COL5A1: variants seen among roughly 807,000 people sequenced by gnomAD.
COL5A1 encodes the protein collagen alpha-1(V) chain.
A neutral mutation model predicts 263.7 loss-of-function variants in COL5A1; 16 were observed. That is an observed-to-expected ratio of 0.06 (90% CI 0.04 to 0.09). The LOEUF (loss-of-function observed/expected upper bound fraction) is 0.09, where lower values mean the gene tolerates loss of function less well. Ranked by LOEUF, COL5A1 falls within the 10% of genes least tolerant of loss-of-function variation. The pLI is 1.00. For missense variants in COL5A1, 2,036 were observed against 2,540.5 expected, an observed-to-expected ratio of 0.80 and a Z score of 4.27; for synonymous variants, 1,012 against 1,004.5, an observed-to-expected ratio of 1.01 and a Z score of -0.14.
At chr9:134,649,492 T>A (rs1434110470) in intron 1 of COL5A1, 1 of 471,342 alleles carries the variant, frequency 2.1e-6, no homozygotes, top group Admixed American at 2.4e-5. Context: ...TTCTGTTTCC[T>A]AGACCCGTGT....
At position 134,821,326 on chromosome 9, in the gene COL5A1, G is replaced by A. The variant is rs1564483436; in HGVS notation, c.4555-771G>A. 6.6e-6 allele frequency among the ~76,000 whole-genome samples: 1 copy of A among 152,176 alleles called. No homozygotes were observed. The highest frequency in any genetic ancestry group is 1.5e-5 in the Non-Finnish European group (1 of 68,038). On this transcript the variant is annotated intron_variant, in intron 58 of 65. Transcript: ENST00000371817. This position sits in a 1 kb window ranked among gnomAD's most constrained non-coding sequence, Gnocchi z 4.2. ...GTGTCGGGTTGGTGTGCAGGCTTGG[G>A]TAGTTGTGGGGTCCTTACAATGAGC...
At chr9:134,712,738 G>A (rs936483258) in intron 4 of COL5A1, among the ~76,000 whole-genome samples, 1 of 147,060 alleles carries the variant, frequency 6.8e-6, no homozygotes, top group Non-Finnish European at 1.5e-5. Flanking sequence ...CATCTTTCCT[G>A]CCCCTTTCTG....
At chr9:134,763,758 G>T (rs1359669003) in intron 20 of COL5A1, 21 bp downstream of exon 20, 1 of 1,611,344 alleles carries the variant, frequency 6.2e-7, no homozygotes, top group Admixed American at 1.7e-5. Context: ...GAGCTGAGTG[G>T]GACGGTGGGG....
chr9:134,705,126 A>G (rs1472389297), intron 4 of COL5A1, among the ~76,000 whole-genome samples: 1 of 152,216 alleles, frequency 6.6e-6, no homozygotes, highest in Non-Finnish European at 1.5e-5. Flanking sequence ...ACCAAACTCT[A>G]AGAGAGTTCG....
At chr9:134,764,288 G>A (rs1385333357) in intron 20 of COL5A1, among the ~76,000 whole-genome samples, 1 of 132,476 alleles carries the variant, frequency 7.5e-6, no homozygotes, top group Non-Finnish European at 1.6e-5. Flanking sequence ...GGTCAAGGGA[G>A]AAGCATGGGA....
chr9:134,821,094 C>T lies in COL5A1; in HGVS notation c.4554+871C>T, dbSNP rs1838978379. On this transcript the variant is annotated intron_variant, in intron 58 of 65. Coordinates refer to ENST00000371817, the MANE Select transcript of COL5A1 (RefSeq NM_000093.5). This position sits in a 1 kb window ranked among gnomAD's most constrained non-coding sequence, Gnocchi z 4.2. ...ACCTCACTGGCCAGTGTCCTCCATG[C>T]CATTGACTGTTTTCCTCTGCCGGTA... Among the ~76,000 whole-genome samples the T allele has an allele frequency of 6.6e-6, 1 of 152,106 alleles. No individual in the cohort carries two copies. Among genetic ancestry groups the T allele is most frequent in the Admixed American group, 6.5e-5 (1 of 15,280 alleles).
At chr9:134,743,075 C>G (rs184609969) in intron 11 of COL5A1, among the ~76,000 whole-genome samples, 1 of 152,188 alleles carries the variant, frequency 6.6e-6, no homozygotes, top group African/African-American at 2.4e-5. Context: ...CTGGTGTCCA[C>G]GGATATTTGT....
Position 134,809,012 on chromosome 9 carries a change from C to T in COL5A1, c.3367-171C>T, listed in dbSNP as rs1283788104. On this transcript the variant is annotated intron_variant, in intron 42 of 65. Transcript: ENST00000371817. ...CAGAAGTTCATGGTCCAGGGGCGGG[C>T]TCAGAGTCGGCCCTCAGTGGCCCTG... 1.2e-5 allele frequency: 8 copies of T among 680,352 alleles called. No individual in the cohort carries two copies. In the East Asian group the frequency reaches 2.2e-4, roughly 18 times the overall value. The allele number at this position is 680,352 out of a possible 1,614,324, so 42.1% of individuals were successfully genotyped here.
In COL5A1 at chr9:134,765,167, C is replaced by T. The variant is rs1185527968; in HGVS notation, c.2035-514C>T. Among the ~76,000 whole-genome samples the T allele has an allele frequency of 6.6e-6, 1 of 152,182 alleles. No individual in the cohort carries two copies. Among genetic ancestry groups the T allele is most frequent in the African/African-American group, 2.4e-5 (1 of 41,434 alleles). On this transcript the variant is annotated intron_variant, in intron 20 of 65. Coordinates refer to ENST00000371817, the MANE Select transcript of COL5A1 (RefSeq NM_000093.5). This position sits in a 1 kb window ranked among gnomAD's most constrained non-coding sequence, Gnocchi z 5.1. ...TCTGTACCCCACGCCTCCTTCTGCA[C>T]ATTCAGTCTTGGGGTTCCCACCAGG...
chr9:134,786,425 T>G (rs1480726249), intron 31 of COL5A1, among the ~76,000 whole-genome samples: 2 of 152,214 alleles, frequency 1.3e-5, no homozygotes, highest in Non-Finnish European at 2.9e-5. Context: ...ATGAGTCTTC[T>G]GCCCCAGTCG....
chr9:134,835,678 T>C (rs1284215198), intron 65 of COL5A1, among the ~76,000 whole-genome samples: 2 of 152,162 alleles, frequency 1.3e-5, no homozygotes, highest in African/African-American at 2.4e-5. Flanking sequence ...GCCCTCTCCA[T>C]GTGGGGAGAG....
chr9:134,780,200 C>T, intron 28 of COL5A1, 54 bp downstream of exon 28: 2 of 1,565,542 alleles, frequency 1.3e-6, no homozygotes, highest in African/African-American at 1.3e-5. Context: ...AGCCGAATTC[C>T]AGCCAGCGGG....
intron 25 of COL5A1, among the ~76,000 whole-genome samples, chr9:134,769,260 C>G (rs1176270934): frequency 2.0e-5 from 3 of 152,250 alleles, no homozygotes; most frequent in African/African-American, 7.2e-5. Context: ...CACAGCATCC[C>G]TCAGGCCGAG....
Position 134,780,161 on chromosome 9 carries a change from G to A in COL5A1, c.2430+15G>A. The A allele has an allele frequency of 6.2e-7, 1 of 1,613,098 alleles. No homozygotes were observed. Among genetic ancestry groups the A allele is most frequent in the South Asian group, 1.1e-5 (1 of 91,084 alleles). ...AGGGCGAGAAGGTAAGTCTCTCCTT[G>A]CAGCCACGGGGCCCCCTGCTTAGTC... is the stretch of plus-strand genomic sequence containing the variant. On this transcript the variant is annotated intron_variant, in intron 28 of 65. Coordinates refer to ENST00000371817, the MANE Select transcript of COL5A1 (RefSeq NM_000093.5).
intron 32 of COL5A1, among the ~76,000 whole-genome samples, chr9:134,792,775 GTGTGTA>G (rs1837744240): frequency 5.0e-5 from 2 of 39,994 alleles, no homozygotes; most frequent in African/African-American, 7.4e-5. Flanking sequence ...GTGTGTGCGT[GTGTGTA>G]CATATGTGTG....
chr9:134,790,610 C>T (rs1837656025), intron 32 of COL5A1, among the ~76,000 whole-genome samples: 1 of 100,236 alleles, frequency 1.0e-5, no homozygotes, highest in South Asian at 3.6e-4. Context: ...ACCCACCCAT[C>T]CATCCATCCA....
rs781362347 is a variant in COL5A1 at position 134,805,010 on chromosome 9, T to C, written c.3150T>C (p.Asp1050=). 3.1e-6 allele frequency: 5 copies of C among 1,613,956 alleles called. No homozygotes were observed. Among genetic ancestry groups the C allele is most frequent in the Non-Finnish European group, 3.4e-6 (4 of 1,180,018 alleles). ...GCCCTGCAGGCCTCCCTGGGAAAGATGGCCCTCCAGGATTACGTGGTTTCC... is the reference window on the plus strand; with the variant it reads ...GCCCTGCAGGCCTCCCTGGGAAAGACGGCCCTCCAGGATTACGTGGTTTCC... The part of the protein sequence containing the change: ...DPGPAGLPGK[D]GPPGLRGFPG... The change falls in exon 40 of 66, where the codon GAT becomes GAC. Residue 1050 remains aspartate, a synonymous_variant. Transcript: ENST00000371817.
rs1835903734 is a variant in COL5A1 at position 134,754,510 on chromosome 9, G to A, written c.1827+184G>A. Among the ~76,000 whole-genome samples, 1 of 152,260 alleles carries A rather than the reference G, an allele frequency of 6.6e-6. No individual in the cohort carries two copies. The highest frequency in any genetic ancestry group is 2.4e-5 in the African/African-American group (1 of 41,480). On this transcript the variant is annotated intron_variant, in intron 16 of 65. Coordinates refer to ENST00000371817, the MANE Select transcript of COL5A1 (RefSeq NM_000093.5). This position sits in a 1 kb window ranked among gnomAD's most constrained non-coding sequence, Gnocchi z 4.3. ...GCCAGCTGCCTGGGAGGGGCGCTCTGTGTCCTGGGCGCAGACACAGCGGAC... is the reference window on the plus strand; with the variant it reads ...GCCAGCTGCCTGGGAGGGGCGCTCTATGTCCTGGGCGCAGACACAGCGGAC...
intron 58 of COL5A1, 86 bp downstream of exon 58, chr9:134,820,309 T>G: frequency 9.4e-7 from 1 of 1,060,530 alleles, no homozygotes; most frequent in Non-Finnish European, 1.4e-6. Context: ...AGGAGGCCCA[T>G]CAGAGCCCGG....
Sources: gnomAD v4.1 joint callset for allele counts (sites outside exome capture counted in the v4.1 genomes callset) on GRCh38, gnomAD v4.1.1 for gene constraint, Gnocchi (gnomAD v3.1) non-coding constraint, MANE v1.5 for transcripts, NCBI Gene and HGNC (gene_info 2026-07-23, HGNC 2026-07-21) for gene names.